Variants in AP2M1 observed in about 807,000 individuals in gnomAD.
AP2M1 encodes the protein AP-2 complex subunit mu.
AP2M1 carries 5 observed loss-of-function variants against 54.5 expected under a neutral mutation model. The observed-to-expected ratio is 0.09, with a 90% CI of 0.05 to 0.19. The LOEUF (loss-of-function observed/expected upper bound fraction) is 0.19, where lower values mean the gene tolerates loss of function less well. Ranked by LOEUF, AP2M1 falls within the 10% of genes least tolerant of loss-of-function variation. The probability of loss-of-function intolerance (pLI) is 1.00; values close to 1 mark genes in which losing one functional copy is unlikely to be tolerated. For synonymous variants in AP2M1, 186 were observed against 208.2 expected, an observed-to-expected ratio of 0.89 and a Z score of 0.92; for missense variants, 178 against 580.2, an observed-to-expected ratio of 0.31 and a Z score of 7.12.
Position 184,182,292 on chromosome 3 carries a change from A to G in AP2M1, c.1061+44A>G, listed in dbSNP as rs1303337571. On this transcript the variant is annotated intron_variant, in intron 10 of 11. Coordinates refer to ENST00000292807, the MANE Select transcript of AP2M1 (RefSeq NM_004068.4). The surrounding 1 kb of genome is among the most constrained non-coding windows in gnomAD (Gnocchi z 5.5). The stretch of plus-strand genomic sequence containing the variant: ...AGGCCACAGCAGGGCTCAAGATCCC[A>G]GTATACCCTCTTGTTTTCAGCTTTG... The G allele has an allele frequency of 6.3e-7, 1 of 1,588,864 alleles. No individual in the cohort carries two copies. Among genetic ancestry groups the G allele is most frequent in the Non-Finnish European group, 8.6e-7 (1 of 1,164,030 alleles).
Position 184,180,636 on chromosome 3 carries a change from G to A in AP2M1, c.424-9G>A. On this transcript the variant is annotated splice_polypyrimidine_tract_variant and intron_variant, in intron 4 of 11. Coordinates refer to ENST00000292807, the MANE Select transcript of AP2M1 (RefSeq NM_004068.4). This position sits in a 1 kb window ranked among gnomAD's most constrained non-coding sequence, Gnocchi z 4.9. The stretch of plus-strand genomic sequence containing the variant: ...CATGTGGGCACCTCGTTGGCCCTGC[G>A]GCCTCCAGCATCAGGTAAGCTCTTC... 1.2e-6 allele frequency: 2 copies of A among 1,614,024 alleles called. No individual in the cohort carries two copies. The highest frequency in any genetic ancestry group is 1.7e-6 in the Non-Finnish European group (2 of 1,180,044).
intron 3 of AP2M1, chr3:184,179,964 A>C (rs986582659): frequency 3.3e-6 from 2 of 607,228 alleles, no homozygotes; most frequent in Non-Finnish European, 5.8e-6. Context: ...CCTGGCCTTG[A>C]TTTCTCTATT....
chr3:184,181,369 T>C lies in AP2M1; in HGVS notation c.707+143T>C. 2 of 1,266,494 alleles carry C rather than the reference T, an allele frequency of 1.6e-6. No individual in the cohort carries two copies. Among genetic ancestry groups the C allele is most frequent in the Non-Finnish European group, 2.2e-6 (2 of 903,790 alleles). The allele number at this position is 1,266,494 out of a possible 1,614,324, so 78.5% of individuals were successfully genotyped here. ...GACGGTAAGCCTGGCTGTTCGCTCTTGACATTAGTGCTACGAGAGATGAGG... is the reference window on the plus strand; with the variant it reads ...GACGGTAAGCCTGGCTGTTCGCTCTCGACATTAGTGCTACGAGAGATGAGG... On this transcript the variant is annotated intron_variant, in intron 7 of 11. Coordinates refer to ENST00000292807, the MANE Select transcript of AP2M1 (RefSeq NM_004068.4). The surrounding 1 kb of genome is among the most constrained non-coding windows in gnomAD (Gnocchi z 5.7).
chr3:184,183,003 T>C lies in AP2M1; in HGVS notation c.1173+135T>C, dbSNP rs1479380621. 2 of 767,104 alleles carry C rather than the reference T, an allele frequency of 2.6e-6. No individual in the cohort carries two copies. The highest frequency in any genetic ancestry group is 2.0e-5 in the Admixed American group (1 of 49,738). The allele number at this position is 767,104 out of a possible 1,614,324, so 47.5% of individuals were successfully genotyped here. ...AGAAGAACTGGCTTTAATTCATAGA[T>C]CCATTCTTCCCCTTTCAAGCCTCTT... On this transcript the variant is annotated intron_variant, in intron 11 of 11. Transcript: ENST00000292807. The surrounding 1 kb of genome is among the most constrained non-coding windows in gnomAD (Gnocchi z 5.7).
Position 184,180,700 on chromosome 3 carries a change from A to G in AP2M1, c.429+50A>G, listed in dbSNP as rs777220104. 10 of 1,614,046 alleles carry G rather than the reference A, an allele frequency of 6.2e-6. No individual in the cohort carries two copies. Among genetic ancestry groups the G allele is most frequent in the Non-Finnish European group, 7.6e-6 (9 of 1,180,030 alleles). ...CCTTGCAGCTTTGCTTTGTTTCTCC[A>G]GGCCCTGCCCTTTGGGGCTTATAGG... is the stretch of plus-strand genomic sequence containing the variant. On this transcript the variant is annotated intron_variant, in intron 5 of 11. Transcript: ENST00000292807. This position sits in a 1 kb window ranked among gnomAD's most constrained non-coding sequence, Gnocchi z 4.9.
chr3:184,175,437 T>G (rs1317978570), intron 1 of AP2M1, among the ~76,000 whole-genome samples: 2 of 151,942 alleles, frequency 1.3e-5, no homozygotes, highest in Non-Finnish European at 2.9e-5. Flanking sequence ...CGCACCCCCA[T>G]GGCACCATCT....
Position 184,181,038 on chromosome 3 carries a change from C to T in AP2M1, c.566-47C>T, listed in dbSNP as rs775164563. On this transcript the variant is annotated intron_variant, in intron 6 of 11. Transcript: ENST00000292807. The surrounding 1 kb of genome is among the most constrained non-coding windows in gnomAD (Gnocchi z 5.7). ...GGGGGCCCAGGGCAGGATCCTGGGCCTGCCTGCCTGACTCCGCTGCTCCCC... is the reference window on the plus strand; with the variant it reads ...GGGGGCCCAGGGCAGGATCCTGGGCTTGCCTGCCTGACTCCGCTGCTCCCC... 1.9e-6 allele frequency: 3 copies of T among 1,613,904 alleles called. No individual in the cohort carries two copies. The African/African-American group carries it at 4.0e-5, about 22-fold the overall frequency.
Position 184,178,126 on chromosome 3 carries a change from T to C in AP2M1, c.75-731T>C, listed in dbSNP as rs1715141005. The C allele has an allele frequency of 1.4e-6, 2 of 1,391,464 alleles. No individual in the cohort carries two copies. Among genetic ancestry groups the C allele is most frequent in the Non-Finnish European group, 9.8e-7 (1 of 1,023,236 alleles). The allele number at this position is 1,391,464 out of a possible 1,614,324, so 86.2% of individuals were successfully genotyped here. A position where few individuals can be genotyped will look rare whatever the true frequency, so the allele number is the denominator to read the frequency against. On this transcript the variant is annotated intron_variant, in intron 2 of 11. Coordinates refer to ENST00000292807, the MANE Select transcript of AP2M1 (RefSeq NM_004068.4). This position sits in a 1 kb window ranked among gnomAD's most constrained non-coding sequence, Gnocchi z 4.9. ...CTCACGGTGTGTGCCGCCCTCCCGG[T>C]GTGTTGTGTGTCTAACCCTCTCTCT...
rs976346175 is a variant in AP2M1 at position 184,182,305 on chromosome 3, G to C, written c.1061+57G>C. 9 of 1,559,894 alleles carry C rather than the reference G, an allele frequency of 5.8e-6. No individual in the cohort carries two copies. In the East Asian group the frequency reaches 6.9e-5, roughly 12 times the overall value. ...GCTCAAGATCCCAGTATACCCTCTTGTTTTCAGCTTTGATCCTTCTGAATG... is the reference window on the plus strand; with the variant it reads ...GCTCAAGATCCCAGTATACCCTCTTCTTTTCAGCTTTGATCCTTCTGAATG... On this transcript the variant is annotated intron_variant, in intron 10 of 11. Transcript: ENST00000292807. The surrounding 1 kb of genome is among the most constrained non-coding windows in gnomAD (Gnocchi z 5.5).
At position 184,180,658 on chromosome 3, in the gene AP2M1, C is replaced by G. The variant is rs775831961; in HGVS notation, c.429+8C>G. On this transcript the variant is annotated splice_region_variant and intron_variant, in intron 5 of 11. Coordinates refer to ENST00000292807, the MANE Select transcript of AP2M1 (RefSeq NM_004068.4). The surrounding 1 kb of genome is among the most constrained non-coding windows in gnomAD (Gnocchi z 4.9). ...TGCGGCCTCCAGCATCAGGTAAGCT[C>G]TTCCCTCAGCTTCCACCCTTGCAGC... 1.9e-6 allele frequency: 3 copies of G among 1,614,118 alleles called. No individual in the cohort carries two copies. The highest frequency in any genetic ancestry group is 2.5e-6 in the Non-Finnish European group (3 of 1,180,050).
At chr3:184,175,412 A>C (rs2109027352) in intron 1 of AP2M1, among the ~76,000 whole-genome samples, 1 of 151,744 alleles carries the variant, frequency 6.6e-6, no homozygotes, top group African/African-American at 2.4e-5. Context: ...TCTTCCTTAG[A>C]CCTGTGACAG....
intron 3 of AP2M1, 190 bp from the exon 4 acceptor site, chr3:184,179,979 A>T: frequency 1.6e-6 from 1 of 634,322 alleles, no homozygotes; most frequent in Non-Finnish European, 2.7e-6. Flanking sequence ...TCTATTTGAA[A>T]AAAATCAAAC....
chr3:184,181,147 C>T lies in AP2M1; in HGVS notation c.628C>T (p.Pro210Ser). The change falls in exon 7 of 12, where the codon CCT becomes TCT. Residue 210 changes from proline (P) to serine (S), a missense_variant. By Grantham distance (74) the Pro-to-Ser change is moderately conservative. Coordinates refer to ENST00000292807, the MANE Select transcript of AP2M1 (RefSeq NM_004068.4). This position sits in a 1 kb window ranked among gnomAD's most constrained non-coding sequence, Gnocchi z 5.7. ...GATGAAGAGCTACCTGAGTGGCATG[C>T]CTGAATGCAAGTTTGGGATGAATGA... ...VVMKSYLSGM[P>S]ECKFGMNDKI... The T allele has an allele frequency of 6.2e-7, 1 of 1,614,116 alleles. No homozygotes were observed.
intron 2 of AP2M1, 108 bp downstream of exon 2, chr3:184,177,175 C>A: frequency 9.0e-7 from 1 of 1,112,024 alleles, no homozygotes; most frequent in Non-Finnish European, 1.3e-6. Flanking sequence ...CCACCCTGAC[C>A]CCTGGCTGCA....
chr3:184,179,270 G>A (rs1448227583), intron 3 of AP2M1, 148 bp downstream of exon 3: 8 of 1,042,144 alleles, frequency 7.7e-6, no homozygotes, highest in Admixed American at 2.6e-5. Context: ...GGATCTCTAT[G>A]CCCCTCAGAA....
Position 184,183,444 on chromosome 3 carries a change from G to A in AP2M1, c.1174-38G>A, listed in dbSNP as rs1577060994. 2.5e-6 allele frequency: 4 copies of A among 1,612,974 alleles called. No homozygotes were observed. On this transcript the variant is annotated intron_variant, in intron 11 of 11. Transcript: ENST00000292807. The surrounding 1 kb of genome is among the most constrained non-coding windows in gnomAD (Gnocchi z 5.7). ...ACTTCCCAGAGGAGAGCGGCTGTAA[G>A]AGGAAGGCCACATTTCTAACTAGCT... is the stretch of plus-strand genomic sequence containing the variant.
At position 184,182,533 on chromosome 3, in the gene AP2M1, A is replaced by G. The variant is rs1715307571; in HGVS notation, c.1062-224A>G. Among the ~76,000 whole-genome samples the G allele has an allele frequency of 6.6e-6, 1 of 152,142 alleles. No homozygotes were observed. On this transcript the variant is annotated intron_variant, in intron 10 of 11. Coordinates refer to ENST00000292807, the MANE Select transcript of AP2M1 (RefSeq NM_004068.4). The surrounding 1 kb of genome is among the most constrained non-coding windows in gnomAD (Gnocchi z 5.5). ...TTGTAATGTATCTGTGAAGCAGACA[A>G]AGCAAACGATAGCATGTCCAAGTGT...
At position 184,178,881 on chromosome 3, in the gene AP2M1, G is replaced by A; in HGVS notation, c.99G>A (p.Arg33=). Residue 33 remains arginine, a synonymous_variant, in exon 3 of 12, where the codon CGG becomes CGA. Transcript: ENST00000292807. The surrounding 1 kb of genome is among the most constrained non-coding windows in gnomAD (Gnocchi z 4.9). Reference sequence around the variant, plus strand: ...GGAGGAACGCAGTGGATGCCTTTCGGGTCAATGTTATCCATGCCCGGCAGC... The same window carrying A: ...GGAGGAACGCAGTGGATGCCTTTCGAGTCAATGTTATCCATGCCCGGCAGC... The part of the protein sequence containing the change: ...DIGRNAVDAF[R]VNVIHARQQV... The A allele has an allele frequency of 6.2e-7, 1 of 1,614,102 alleles. No homozygotes were observed. The highest frequency in any genetic ancestry group is 8.5e-7 in the Non-Finnish European group (1 of 1,180,022).
At position 184,180,653 on chromosome 3, in the gene AP2M1, A is replaced by G. The variant is rs772648593; in HGVS notation, c.429+3A>G. 2.4e-5 allele frequency: 38 copies of G among 1,614,056 alleles called. No homozygotes were observed. Among genetic ancestry groups the G allele is most frequent in the Non-Finnish European group, 3.1e-5 (37 of 1,180,056 alleles). On this transcript the variant is annotated splice_donor_region_variant and intron_variant, in intron 5 of 11. Coordinates refer to ENST00000292807, the MANE Select transcript of AP2M1 (RefSeq NM_004068.4). The surrounding 1 kb of genome is among the most constrained non-coding windows in gnomAD (Gnocchi z 4.9). Reference sequence around the variant, plus strand: ...GGCCCTGCGGCCTCCAGCATCAGGTAAGCTCTTCCCTCAGCTTCCACCCTT... The same window carrying G: ...GGCCCTGCGGCCTCCAGCATCAGGTGAGCTCTTCCCTCAGCTTCCACCCTT...
Sources: gnomAD v4.1 joint callset for allele counts (sites outside exome capture counted in the v4.1 genomes callset) on GRCh38, gnomAD v4.1.1 for gene constraint, Gnocchi (gnomAD v3.1) non-coding constraint, MANE v1.5 for transcripts, NCBI Gene and HGNC (gene_info 2026-07-23, HGNC 2026-07-21) for gene names.